The following DPP10 variants were observed in gnomAD, a reference collection of about 807,000 sequenced individuals.
The protein encoded by DPP10 is inactive dipeptidyl peptidase 10.
DPP10 carries 33 observed loss-of-function variants against 120.9 expected under a neutral mutation model. The ratio of observed to expected loss-of-function variants is 0.27; its 90% CI spans 0.21 to 0.37. DPP10 has a LOEUF of 0.37. Among genes scored for constraint, DPP10 ranks in the 10% least tolerant of loss-of-function variants. The pLI is 1.00. For synonymous variants in DPP10, 337 were observed against 326.1 expected (o/e 1.03, Z -0.36); for missense variants, 816 against 942.8 (o/e 0.87, Z 1.76).
At chr2:114,858,484 T>C (rs1311405436) in intron 1 of DPP10, among the ~76,000 whole-genome samples, 1 of 152,246 alleles carries the variant, frequency 6.6e-6, no homozygotes, top group Non-Finnish European at 1.5e-5. Context: ...AAGAGGTTGA[T>C]TGCACTTTCT....
chr2:114,923,562 T>C (rs1420951569), intron 1 of DPP10, among the ~76,000 whole-genome samples: 6 of 139,408 alleles, frequency 4.3e-5, no homozygotes, highest in African/African-American at 1.6e-4. Context: ...CAATGCAAGC[T>C]CTGCCACCTG....
At chr2:115,235,963 T>G (rs1422365692) in intron 1 of DPP10, among the ~76,000 whole-genome samples, 6 of 152,154 alleles carry the variant, frequency 3.9e-5, no homozygotes, top group African/African-American at 1.4e-4. Flanking sequence ...AACACTTAAA[T>G]TACTCCCTAA....
At chr2:114,996,947 G>C (rs545253490) in intron 1 of DPP10, among the ~76,000 whole-genome samples, 3 of 126,578 alleles carry the variant, frequency 2.4e-5, no homozygotes, top group Non-Finnish European at 3.2e-5. Context: ...GTGCCACTGC[G>C]TTCTAGCCTG....
intron 1 of DPP10, among the ~76,000 whole-genome samples, chr2:114,795,288 A>G (rs1273792261): frequency 2.0e-5 from 3 of 151,500 alleles, no homozygotes; most frequent in Admixed American, 1.3e-4. Flanking sequence ...TTTGAGACCA[A>G]CCTAGCCAAC....
At chr2:115,624,390 T>C (rs537375007) in intron 5 of DPP10, among the ~76,000 whole-genome samples, 1 of 152,278 alleles carries the variant, frequency 6.6e-6, no homozygotes, top group East Asian at 1.9e-4. Flanking sequence ...GCTAATTATT[T>C]TTGTCAAGCC....
intron 5 of DPP10, among the ~76,000 whole-genome samples, chr2:115,545,846 A>T (rs2079466511): frequency 6.6e-6 from 1 of 152,080 alleles, no homozygotes; most frequent in South Asian, 2.1e-4. Context: ...AATGAGTTTC[A>T]CAAGATCACA....
chr2:114,800,985 C>T (rs575102073), intron 1 of DPP10, among the ~76,000 whole-genome samples: 21 of 151,298 alleles, frequency 1.4e-4, no homozygotes, highest in African/African-American at 2.2e-4. Flanking sequence ...AAGAATGGGC[C>T]GGGCACGGTG....
chr2:115,387,054 A>G (rs914385284), intron 3 of DPP10, among the ~76,000 whole-genome samples: 7 of 152,128 alleles, frequency 4.6e-5, no homozygotes. Context: ...AAATTTCAAC[A>G]TATGATGAAG....
intron 1 of DPP10, among the ~76,000 whole-genome samples, chr2:114,942,568 A>G (rs893018723): frequency 4.0e-5 from 6 of 150,632 alleles, no homozygotes; most frequent in African/African-American, 1.5e-4. Flanking sequence ...TTTTTTTTTC[A>G]AAATTGTTGT....
intron 5 of DPP10, among the ~76,000 whole-genome samples, chr2:115,646,105 C>G (rs187020231): frequency 6.6e-6 from 1 of 151,638 alleles, no homozygotes; most frequent in South Asian, 2.1e-4. Context: ...CACGTGCGTG[C>G]GCGCACACAC....
intron 1 of DPP10, among the ~76,000 whole-genome samples, chr2:114,769,761 C>T (rs556236358): frequency 7.9e-5 from 12 of 152,216 alleles, no homozygotes; most frequent in African/African-American, 2.9e-4. Flanking sequence ...TCCAGGCATG[C>T]ACACAACACA....
chr2:114,838,757 T>C (rs1384731794), intron 1 of DPP10, among the ~76,000 whole-genome samples: 1 of 152,188 alleles, frequency 6.6e-6, no homozygotes, highest in Non-Finnish European at 1.5e-5. Context: ...CATTCTTTCA[T>C]CTGATCACTG....
intron 1 of DPP10, among the ~76,000 whole-genome samples, chr2:114,814,980 A>G (rs560079508): frequency 1.3e-5 from 2 of 152,290 alleles, no homozygotes; most frequent in African/African-American, 4.8e-5. Context: ...TTAGGATTAC[A>G]GATGAGGGAG....
At chr2:115,755,297 T>C (rs1679257209) in intron 11 of DPP10, among the ~76,000 whole-genome samples, 2 of 152,082 alleles carry the variant, frequency 1.3e-5, no homozygotes, top group Admixed American at 6.6e-5. Context: ...AAACTAAAAT[T>C]TCAGGAACTG....
At chr2:115,363,092 C>A (rs535619724) in intron 3 of DPP10, among the ~76,000 whole-genome samples, 2 of 152,144 alleles carry the variant, frequency 1.3e-5, no homozygotes, top group Admixed American at 6.6e-5. Flanking sequence ...GAAGCTTAAA[C>A]CTATCTGGTC....
At chr2:115,323,446 G>C (rs1170966921) in intron 2 of DPP10, among the ~76,000 whole-genome samples, 3 of 152,086 alleles carry the variant, frequency 2.0e-5, no homozygotes, top group African/African-American at 7.2e-5. Context: ...GTACTGATTG[G>C]AATCAGCTTC....
At chr2:114,733,134 T>C (rs1340005078) in intron 1 of DPP10, among the ~76,000 whole-genome samples, 1 of 152,192 alleles carries the variant, frequency 6.6e-6, no homozygotes, top group Non-Finnish European at 1.5e-5. Context: ...AGAAGGGAGC[T>C]GGTAAGAAGA....
chr2:115,100,459 A>ACACAC (rs1553488082), intron 1 of DPP10, among the ~76,000 whole-genome samples: 15 of 150,472 alleles, frequency 1.0e-4, no homozygotes, highest in East Asian at 5.9e-4. Context: ...TAAATTAAAA[A>ACACAC]ACACACACAC....
intron 2 of DPP10, among the ~76,000 whole-genome samples, chr2:115,341,691 A>T (rs2063454846): frequency 6.6e-6 from 1 of 152,150 alleles, no homozygotes; most frequent in Admixed American, 6.6e-5. Flanking sequence ...TGTAGTTGAG[A>T]TTATATACTA....
Sources: gnomAD v4.1 joint callset for allele counts (sites outside exome capture counted in the v4.1 genomes callset) on GRCh38, gnomAD v4.1.1 for gene constraint, MANE v1.5 for transcripts, NCBI Gene and HGNC (gene_info 2026-07-23, HGNC 2026-07-21) for gene names.